GRIK5: variants seen among roughly 807,000 people sequenced by gnomAD.
The protein encoded by GRIK5 is glutamate receptor ionotropic, kainate 5.
A neutral mutation model predicts 97.4 loss-of-function variants in GRIK5; 43 were observed. The observed-to-expected ratio is 0.44, with a 90% CI of 0.35 to 0.57. GRIK5 has a LOEUF of 0.57. GRIK5 is among the 20% of genes least tolerant of loss of function. The pLI, the probability that GRIK5 is intolerant of heterozygous loss-of-function variation, is 0.01. For missense variants in GRIK5, 1,015 were observed against 1,382.0 expected (o/e 0.73, Z 4.21); for synonymous variants, 580 against 583.5 (o/e 0.99, Z 0.09).
At chr19:42,060,871 T>A (rs1325428537) in intron 5 of GRIK5, among the ~76,000 whole-genome samples, 1 of 152,054 alleles carries the variant, frequency 6.6e-6, no homozygotes, top group Non-Finnish European at 1.5e-5. Flanking sequence ...TCTTCATAAG[T>A]CATTTCTACT....
intron 8 of GRIK5, 80 bp downstream of exon 8, chr19:42,056,582 T>G (rs368862740): frequency 8.8e-6 from 11 of 1,247,560 alleles, no homozygotes; most frequent in Admixed American, 1.8e-5. Context: ...CTGAGCATGA[T>G]CTGAGTGAGG....
chr19:42,020,726 GTTTA>G (rs2075685860), intron 15 of GRIK5, among the ~76,000 whole-genome samples: 1 of 152,124 alleles, frequency 6.6e-6, no homozygotes, highest in Non-Finnish European at 1.5e-5. Flanking sequence ...CGCCATGACA[GTTTA>G]CAAATGCCAT....
Position 42,021,509 on chromosome 19 carries a change from A to G in GRIK5, c.1698-35T>C. 6.7e-7 allele frequency: 1 copy of G among 1,486,436 alleles called. No homozygotes were observed. The highest frequency in any genetic ancestry group is 9.0e-7 in the Non-Finnish European group (1 of 1,114,034). 92.1% of individuals were successfully genotyped at this position (1,486,436 alleles called of 1,614,324 possible). On this transcript the variant is annotated intron_variant, in intron 14 of 19. Transcript: ENST00000593562. This position sits in a 1 kb window ranked among gnomAD's most constrained non-coding sequence, Gnocchi z 4.2. The stretch of plus-strand genomic sequence containing the variant: ...GACGTGCAGCGTGTGGATGGGGCCC[A>G]GAGCCCAGGTGGGGAGGAAAAGGAA...
Position 42,042,493 on chromosome 19 carries a change from G to A in GRIK5, c.1473+59C>T. ...CTGAGGTTCGACTGGCTGCCCAGCT[G>A]CCCGCCCTCCCTCACTCGCCGGGTC... is the stretch of plus-strand genomic sequence containing the variant. On this transcript the variant is annotated intron_variant, in intron 12 of 19. Transcript: ENST00000593562. This position sits in a 1 kb window ranked among gnomAD's most constrained non-coding sequence, Gnocchi z 6.9. The A allele has an allele frequency of 6.8e-7, 1 of 1,466,016 alleles. No homozygotes were observed. The highest frequency in any genetic ancestry group is 9.3e-7 in the Non-Finnish European group (1 of 1,071,580). 90.8% of individuals were successfully genotyped at this position (1,466,016 alleles called of 1,614,324 possible).
chr19:42,034,286 G>A (rs2075875195), intron 12 of GRIK5, among the ~76,000 whole-genome samples: 1 of 152,008 alleles, frequency 6.6e-6, no homozygotes, highest in Non-Finnish European at 1.5e-5. Flanking sequence ...GCTTGAGCCT[G>A]GGAGGTTGAG....
chr19:42,049,743 G>A (rs2076088307), intron 11 of GRIK5, among the ~76,000 whole-genome samples: 1 of 152,050 alleles, frequency 6.6e-6, no homozygotes, highest in Non-Finnish European at 1.5e-5. Context: ...CTGTATGTGT[G>A]TTACACTTCA....
At chr19:42,010,589 G>C (rs1258415781) in intron 15 of GRIK5, among the ~76,000 whole-genome samples, 1 of 152,034 alleles carries the variant, frequency 6.6e-6, no homozygotes. Context: ...CCTCAAAGAA[G>C]ACACACTAAC....
chr19:42,037,738 A>G (rs2075925804), intron 12 of GRIK5, among the ~76,000 whole-genome samples: 1 of 152,176 alleles, frequency 6.6e-6, no homozygotes, highest in Non-Finnish European at 1.5e-5. Flanking sequence ...TGTCAGTAGA[A>G]GAGCGTCCCC....
chr19:42,022,377 G>A lies in GRIK5; in HGVS notation c.1474-23C>T. Reference sequence around the variant, plus strand: ...CTTCTGCTGGAGGGGAAGCCGGGCAGGGGTGGAGGGGGACAGAGGGGAAGA... The same window carrying A: ...CTTCTGCTGGAGGGGAAGCCGGGCAAGGGTGGAGGGGGACAGAGGGGAAGA... On this transcript the variant is annotated intron_variant, in intron 12 of 19. Transcript: ENST00000593562. The surrounding 1 kb of genome is among the most constrained non-coding windows in gnomAD (Gnocchi z 4.2). The A allele has an allele frequency of 6.3e-7, 1 of 1,590,448 alleles. No homozygotes were observed. Among genetic ancestry groups the A allele is most frequent in the Non-Finnish European group, 8.6e-7 (1 of 1,160,120 alleles).
At position 42,053,922 on chromosome 19, in the gene GRIK5, T is replaced by A. The variant is rs1419795560; in HGVS notation, c.1064A>T (p.Tyr355Phe). 1.9e-6 allele frequency: 3 copies of A among 1,611,798 alleles called. No homozygotes were observed. The highest frequency in any genetic ancestry group is 1.7e-6 in the Non-Finnish European group (2 of 1,178,040). ...SLMNYLRMVE[Y>F]DGLTGRVEFN... ...CTCGACCCGCCCGGTCAGCCCATCA[T>A]ACTCTACCTGGCAGGGTGGGGAGGT... is the stretch of plus-strand genomic sequence containing the variant. Residue 355 changes from tyrosine (Y) to phenylalanine (F), a missense_variant, in exon 10 of 20, where the codon TAT becomes TTT. By Grantham distance (22) the Tyr-to-Phe change is conservative. Around this residue, in one of 5 missense-constraint regions of GRIK5, gnomAD observed 477 missense variants for 701.1 expected, o/e 0.68. Coordinates refer to ENST00000593562, the MANE Select transcript of GRIK5 (RefSeq NM_002088.5).
Position 42,006,703 on chromosome 19 carries a change from T to C in GRIK5, c.1979A>G (p.Asp660Gly), listed in dbSNP as rs1555872771. The C allele has an allele frequency of 2.5e-6, 4 of 1,614,082 alleles. No homozygotes were observed. Among genetic ancestry groups the C allele is most frequent in the Non-Finnish European group, 3.4e-6 (4 of 1,179,994 alleles). Reference protein sequence around the residue: ...VPVESADDLADQTNIEYGTIH... With the variant: ...VPVESADDLAGQTNIEYGTIH... ...GGTGCCATACTCGATGTTGGTCTGA[T>C]CTGCCAGGTCATCGGCCGACTCCAC... The change falls in exon 16 of 20, where the codon GAT (aspartate) becomes GGT (glycine). Residue 660 changes from aspartate (D) to glycine (G), a missense_variant. Around this residue, in one of 5 missense-constraint regions of GRIK5, gnomAD observed 477 missense variants for 701.1 expected, o/e 0.68. Coordinates refer to ENST00000593562, the MANE Select transcript of GRIK5 (RefSeq NM_002088.5). The surrounding 1 kb of genome is among the most constrained non-coding windows in gnomAD (Gnocchi z 5.3).
At chr19:42,052,324 T>G (rs2076127639) in intron 11 of GRIK5, among the ~76,000 whole-genome samples, 1 of 151,646 alleles carries the variant, frequency 6.6e-6, no homozygotes, top group African/African-American at 2.4e-5. Context: ...TCCAGGAGGC[T>G]TCAGGGATTG....
intron 12 of GRIK5, among the ~76,000 whole-genome samples, chr19:42,024,943 C>A (rs1336916537): frequency 6.6e-6 from 1 of 152,212 alleles, no homozygotes; most frequent in Non-Finnish European, 1.5e-5. Context: ...TCTGCCTCTG[C>A]TGCTAAACCA....
chr19:42,009,470 TAAAA>T (rs77770415), intron 15 of GRIK5, among the ~76,000 whole-genome samples: 3 of 131,630 alleles, frequency 2.3e-5, no homozygotes, highest in Non-Finnish European at 3.3e-5. Flanking sequence ...ACCTTATCTT[TAAAA>T]AAAAAAAAAA....
At position 42,053,629 on chromosome 19, in the gene GRIK5, G is replaced by T. The variant is rs754888348; in HGVS notation, c.1242C>A (p.Asn414Lys). The part of the protein sequence containing the change: ...LDINLSQTLA[N>K]KTLVVTTILE... The stretch of plus-strand genomic sequence containing the variant: ...GGATGGTTGTGACCACCAGGGTCTT[G>T]TTGGCCAGTGTCTGCGACAGGTTGA... Residue 414 changes from asparagine to lysine, a missense_variant, in exon 11 of 20, where the codon AAC (asparagine) becomes AAA (lysine). By Grantham distance (94) the Asn-to-Lys change is moderately conservative. This residue lies in a region of GRIK5 where 477 missense variants were observed against 701.1 expected (regional missense o/e 0.68). Transcript: ENST00000593562. 5 of 1,612,240 alleles carry T rather than the reference G, an allele frequency of 3.1e-6. No homozygotes were observed. The highest frequency in any genetic ancestry group is 2.7e-5 in the African/African-American group (2 of 74,894).
At chr19:42,047,972 C>CAAAAA (rs552963887) in intron 11 of GRIK5, among the ~76,000 whole-genome samples, 2 of 54,930 alleles carry the variant, frequency 3.6e-5, no homozygotes, top group Non-Finnish European at 3.5e-5. Context: ...GACTCTGTCT[C>CAAAAA]AAAAAAAAAA....
chr19:42,053,710 C>T lies in GRIK5; in HGVS notation c.1162-1G>A. On this transcript the variant is annotated splice_acceptor_variant, in intron 10 of 19. Transcript: ENST00000593562. LOFTEE classifies it high-confidence loss of function. ...TGCGGTTAGAGTACCACACCCCAAT[C>T]TAGGGGGCAGAGAGGGTGCTGTCAG... 6.3e-7 allele frequency: 1 copy of T among 1,599,302 alleles called. No homozygotes were observed.
Position 42,021,421 on chromosome 19 carries a change from T to A in GRIK5, c.1751A>T (p.His584Leu). The A allele has an allele frequency of 6.2e-7, 1 of 1,609,682 alleles. No homozygotes were observed. The highest frequency in any genetic ancestry group is 8.5e-7 in the Non-Finnish European group (1 of 1,177,376). ...NPHPCLRARP[H>L]ILENQYTLGN... ...CAGCGTGTACTGGTTCTCCAGGATG[T>A]GGGGGCGTGCCCGCAGGCATGGGTG... Residue 584 changes from histidine (H) to leucine (L), a missense_variant, in exon 15 of 20, where the codon CAC becomes CTC. Physicochemically the swap from His to Leu is moderately conservative, Grantham distance 99 (BLOSUM62 -3). Transcript: ENST00000593562. The surrounding 1 kb of genome is among the most constrained non-coding windows in gnomAD (Gnocchi z 4.2).
In GRIK5 at chr19:42,065,946, G is replaced by A; in HGVS notation, c.-50-126C>T. The A allele has an allele frequency of 1.6e-6, 1 of 616,378 alleles. No homozygotes were observed. Among genetic ancestry groups the A allele is most frequent in the Admixed American group, 2.5e-5 (1 of 39,512 alleles). The allele number at this position is 616,378 out of a possible 1,614,324, so 38.2% of individuals were successfully genotyped here. On this transcript the variant is annotated intron_variant, in intron 1 of 19. Transcript: ENST00000593562. This position sits in a 1 kb window ranked among gnomAD's most constrained non-coding sequence, Gnocchi z 5.8. ...TTGTTGGCAAGCAGTTCACAGCTCT[G>A]CAGAGCCCTGCTCTGTTTAGAAGCT...
Sources: allele counts gnomAD v4.1 joint callset (sites outside exome capture counted in the v4.1 genomes callset), GRCh38; gene constraint gnomAD v4.1.1; regional missense constraint gnomAD v4.1.1; non-coding constraint Gnocchi (gnomAD v3.1); transcripts MANE v1.5; gene names NCBI Gene and HGNC (gene_info 2026-07-23, HGNC 2026-07-21).